FHIT: variants seen among roughly 807,000 people sequenced by gnomAD.
The protein encoded by FHIT is bis(5'-adenosyl)-triphosphatase.
In FHIT, 19 loss-of-function variants were observed where a neutral mutation model predicts 17.9. That is an observed-to-expected ratio of 1.06 (90% confidence interval 0.74 to 1.56). The LOEUF is 1.56. FHIT is among the 40% of genes most tolerant of loss of function. The probability of loss-of-function intolerance (pLI) is 0.00; values close to 1 mark genes in which losing one functional copy is unlikely to be tolerated. For missense variants in FHIT, 248 were observed against 189.2 expected, an observed-to-expected ratio of 1.31 and a Z score of -1.82; for synonymous variants, 81 against 69.7, an observed-to-expected ratio of 1.16 and a Z score of -0.81.
At chr3:60,468,304 T>C (rs561498159) in intron 5 of FHIT, among the ~76,000 whole-genome samples, 2 of 152,280 alleles carry the variant, frequency 1.3e-5, no homozygotes, top group East Asian at 1.9e-4. Context: ...AATGTTATTA[T>C]TGATGAATAG....
chr3:60,383,043 A>C (rs1331590936), intron 5 of FHIT, among the ~76,000 whole-genome samples: 1 of 152,214 alleles, frequency 6.6e-6, no homozygotes, highest in Admixed American at 6.5e-5. Flanking sequence ...AACTCTACTT[A>C]GTAGGCAGAT....
intron 5 of FHIT, among the ~76,000 whole-genome samples, chr3:60,350,682 A>T (rs985422472): frequency 8.6e-5 from 13 of 151,750 alleles, no homozygotes; most frequent in African/African-American, 2.9e-4. Context: ...GAATATTGCC[A>T]CTCCAAAACC....
intron 3 of FHIT, among the ~76,000 whole-genome samples, chr3:61,036,901 G>GTTTTTTTTTTTTTTTTTTTTTTTTTTT (rs746649804): frequency 1.0e-4 from 7 of 70,318 alleles, no homozygotes; most frequent in Admixed American, 3.7e-4. Flanking sequence ...AGTCTGCTTT[G>GTTTTTTTTTTTTTTTTTTTTTTTTTTT]TTTTTTTTTT....
intron 3 of FHIT, among the ~76,000 whole-genome samples, chr3:60,978,764 C>CTA (rs762188027): frequency 5.9e-5 from 9 of 152,154 alleles, no homozygotes; most frequent in Non-Finnish European, 1.2e-4. Flanking sequence ...ACTAAAGAGC[C>CTA]TAAAGCACAA....
chr3:60,586,373 T>G (rs534829917), intron 4 of FHIT, among the ~76,000 whole-genome samples: 3 of 152,010 alleles, frequency 2.0e-5, no homozygotes, highest in African/African-American at 7.2e-5. Flanking sequence ...AAGTTAGAGA[T>G]AAAAACAACA....
intron 5 of FHIT, among the ~76,000 whole-genome samples, chr3:60,084,566 T>C (rs960645824): frequency 6.6e-6 from 1 of 152,216 alleles, no homozygotes; most frequent in Non-Finnish European, 1.5e-5. Flanking sequence ...TCACATTTCT[T>C]TATTAATATA....
intron 3 of FHIT, among the ~76,000 whole-genome samples, chr3:60,957,233 C>CTTTTTTTTTTTT (rs35221092): frequency 1.5e-4 from 15 of 97,132 alleles, no homozygotes; most frequent in East Asian, 5.2e-4. Context: ...TTCTTTCTTT[C>CTTTTTTTTTTTT]TTTTTTTTTT....
intron 7 of FHIT, among the ~76,000 whole-genome samples, chr3:59,986,596 C>T (rs1192636543): frequency 4.7e-5 from 3 of 63,946 alleles, no homozygotes; most frequent in East Asian, 5.1e-4. Context: ...CACACACACA[C>T]ATATATATGT....
rs1359675358 is a variant in FHIT, at chr3:60,437,646, G to T, written c.103+99214C>A. On this transcript the variant is annotated intron_variant, in intron 5 of 9. Coordinates refer to ENST00000492590, the MANE Select transcript of FHIT (RefSeq NM_002012.4). ...TATAGATTAGGTAAACGATACTCAGGTTGTGTTATTTATCTGTGGTCACAT... is the reference window on the plus strand; with the variant it reads ...TATAGATTAGGTAAACGATACTCAGTTTGTGTTATTTATCTGTGGTCACAT... Among the ~76,000 whole-genome samples the T allele has an allele frequency of 3.9e-5, 6 of 151,964 alleles. No homozygotes were observed. The East Asian group carries it at 9.7e-4, about 25-fold the overall frequency.
intron 5 of FHIT, among the ~76,000 whole-genome samples, chr3:60,360,993 C>T (rs981242323): frequency 3.3e-5 from 5 of 152,180 alleles, no homozygotes; most frequent in African/African-American, 1.2e-4. Context: ...TTTCTCCCCA[C>T]AAATTCATAT....
At chr3:60,554,989 T>A (rs1025874786) in intron 4 of FHIT, among the ~76,000 whole-genome samples, 2 of 152,222 alleles carry the variant, frequency 1.3e-5, no homozygotes, top group African/African-American at 4.8e-5. Context: ...ATTCTTCTAA[T>A]ATCTAACGGT....
At chr3:60,331,242 C>T (rs1213270819) in intron 5 of FHIT, among the ~76,000 whole-genome samples, 2 of 152,186 alleles carry the variant, frequency 1.3e-5, no homozygotes, top group Non-Finnish European at 2.9e-5. Context: ...GCTTAGCTAG[C>T]CTCCTAGTTT....
chr3:59,965,005 A>G (rs561871648), intron 7 of FHIT, among the ~76,000 whole-genome samples: 1 of 152,252 alleles, frequency 6.6e-6, no homozygotes, highest in South Asian at 2.1e-4. Flanking sequence ...TATTCAAGGG[A>G]AAATCATGTT....
intron 9 of FHIT, chr3:59,749,909 A>G (rs1032635708): frequency 1.3e-5 from 3 of 225,618 alleles, no homozygotes; most frequent in African/African-American, 6.7e-5. Context: ...GCCACCTCAC[A>G]ACCTATATTA....
rs1553774218 is a variant in FHIT at position 60,940,436 on chromosome 3, T to C, written c.-111+101611A>G. ...AGCTTCTGTACCCCAAGTTTTTTAA[T>C]TCTCAAAATAAGAACTAGTGGATAT... is the stretch of plus-strand genomic sequence containing the variant. On this transcript the variant is annotated intron_variant, in intron 3 of 9. Coordinates refer to ENST00000492590, the MANE Select transcript of FHIT (RefSeq NM_002012.4). 2.0e-5 allele frequency among the ~76,000 whole-genome samples: 3 copies of C among 152,192 alleles called. 1 individual carries two copies. The highest frequency in any genetic ancestry group is 4.4e-5 in the Non-Finnish European group (3 of 68,018).
chr3:60,003,964 G>A (rs1699826160), intron 7 of FHIT, among the ~76,000 whole-genome samples: 1 of 151,642 alleles, frequency 6.6e-6, no homozygotes, highest in South Asian at 2.1e-4. Context: ...TGGAGTTAGA[G>A]ATTTTTATAT....
rs559391527 is a variant in FHIT, at chr3:59,984,377, T to C, written c.279+26994A>G. Among the ~76,000 whole-genome samples the C allele has an allele frequency of 5.7e-5, 8 of 139,902 alleles. No homozygotes were observed. The South Asian group carries it at 1.1e-3, about 19-fold the overall frequency. The allele number at this position is 139,902 out of a possible 152,430, so 91.8% of individuals were successfully genotyped here. ...ATAAGAATATTAGTGCTTCAAGCAA[T>C]TGGGGCTCAAATCCACTGGGGGGGG... On this transcript the variant is annotated intron_variant, in intron 7 of 9. Transcript: ENST00000492590.
chr3:60,292,493 CT>C (rs1199403021), intron 5 of FHIT, among the ~76,000 whole-genome samples: 4 of 152,080 alleles, frequency 2.6e-5, no homozygotes, highest in Non-Finnish European at 5.9e-5. Context: ...TCCTTTCTTT[CT>C]TTAACTTTTA....
At chr3:60,447,295 C>T (rs1466128116) in intron 5 of FHIT, among the ~76,000 whole-genome samples, 3 of 152,030 alleles carry the variant, frequency 2.0e-5, no homozygotes, top group African/African-American at 7.2e-5. Context: ...AGCAGAAGTC[C>T]TCAGGTTAAT....
Sources: gnomAD v4.1 joint callset for allele counts (sites outside exome capture counted in the v4.1 genomes callset) on GRCh38, gnomAD v4.1.1 for gene constraint, MANE v1.5 for transcripts, NCBI Gene and HGNC (gene_info 2026-07-23, HGNC 2026-07-21) for gene names.